The following TMED10 variants were observed in gnomAD, a reference collection of about 807,000 sequenced individuals.
The protein encoded by TMED10 is transmembrane emp24 domain-containing protein 10.
In TMED10, 7 loss-of-function variants were observed where a neutral mutation model predicts 23.1. The observed-to-expected ratio is 0.30, with a 90% CI of 0.17 to 0.57. The LOEUF is 0.57. Ranked by LOEUF, TMED10 falls within the 20% of genes least tolerant of loss-of-function variation. TMED10 has a pLI of 0.91. For missense variants in TMED10, 162 were observed against 274.8 expected, an observed-to-expected ratio of 0.59 and a Z score of 2.90; for synonymous variants, 113 against 106.9, an observed-to-expected ratio of 1.06 and a Z score of -0.35.
In TMED10 at chr14:75,145,870, A is replaced by G. The variant is rs147138152; in HGVS notation, c.411+1794T>C. ...AATAGGTAAAATTCCACAGAGTACA[A>G]ATTCAACTGAGAATGGTCCACAGTT... On this transcript the variant is annotated intron_variant, in intron 3 of 4. Transcript: ENST00000303575. Among the ~76,000 whole-genome samples, 738 of 152,324 alleles carry G rather than the reference A, an allele frequency of 4.8e-3. 2 individuals carry two copies. Among genetic ancestry groups the G allele is most frequent in the Admixed American group, 8.0e-3 (123 of 15,286 alleles).
At chr14:75,165,451 C>T (rs753198517) in intron 1 of TMED10, among the ~76,000 whole-genome samples, 1 of 152,190 alleles carries the variant, frequency 6.6e-6, no homozygotes, top group Non-Finnish European at 1.5e-5. Context: ...TGGTCTCGAA[C>T]TCCTGACCTT....
intron 1 of TMED10, among the ~76,000 whole-genome samples, chr14:75,161,371 T>A (rs142260731): frequency 6.6e-6 from 1 of 152,170 alleles, no homozygotes. Flanking sequence ...AAAAGTCTTA[T>A]CAAGAACCTA....
In TMED10 at chr14:75,141,565, A is replaced by G. The variant is rs74925284; in HGVS notation, c.412-5679T>C. Among the ~76,000 whole-genome samples, 1,513 of 152,290 alleles carry G rather than the reference A, an allele frequency of 9.9e-3. 18 individuals carry two copies. Among genetic ancestry groups the G allele is most frequent in the African/African-American group, 0.032 (1,328 of 41,562 alleles). ...TAATCCTCGTAACCCTATAAGGTGA[A>G]TATTTTTATCCTTAAGTTTTGCAGA... On this transcript the variant is annotated intron_variant, in intron 3 of 4. Coordinates refer to ENST00000303575, the MANE Select transcript of TMED10 (RefSeq NM_006827.6).
intron 1 of TMED10, among the ~76,000 whole-genome samples, chr14:75,165,904 T>C (rs541914223): frequency 6.6e-5 from 10 of 151,780 alleles, no homozygotes; most frequent in Admixed American, 4.6e-4. Context: ...TGATAATGGA[T>C]AGATGCTCTC....
intron 1 of TMED10, among the ~76,000 whole-genome samples, chr14:75,157,529 G>A (rs986319868): frequency 6.6e-6 from 1 of 152,000 alleles, no homozygotes; most frequent in African/African-American, 2.4e-5. Flanking sequence ...ATGCGCCTGT[G>A]GTCCCAGCTA....
At chr14:75,160,042 A>G (rs1896068392) in intron 1 of TMED10, among the ~76,000 whole-genome samples, 1 of 152,204 alleles carries the variant, frequency 6.6e-6, no homozygotes. Flanking sequence ...TACACTCCCT[A>G]TAACCTTCAG....
intron 3 of TMED10, 140 bp from the exon 4 acceptor site, chr14:75,136,026 T>G: frequency 8.0e-7 from 1 of 1,246,598 alleles, no homozygotes; most frequent in Non-Finnish European, 1.1e-6. Context: ...TATTTTAAAA[T>G]TTGGGCTTCT....
At chr14:75,151,175 G>A (rs576901426) in intron 2 of TMED10, among the ~76,000 whole-genome samples, 1 of 151,936 alleles carries the variant, frequency 6.6e-6, no homozygotes, top group South Asian at 2.1e-4. Flanking sequence ...CAACTGCTGG[G>A]ATTACAAGCG....
chr14:75,145,879 G>C (rs1377495791), intron 3 of TMED10, among the ~76,000 whole-genome samples: 1 of 152,180 alleles, frequency 6.6e-6, no homozygotes, highest in Non-Finnish European at 1.5e-5. Flanking sequence ...AAATTCAACT[G>C]AGAATGGTCC....
intron 1 of TMED10, among the ~76,000 whole-genome samples, chr14:75,173,545 C>CA (rs1896262217): frequency 6.7e-6 from 1 of 149,210 alleles, no homozygotes; most frequent in Admixed American, 6.7e-5. Flanking sequence ...ATCATCACTG[C>CA]TTTTTTTTTT....
At chr14:75,176,273 G>A (rs1037462090) in intron 1 of TMED10, 82 bp downstream of exon 1, 13 of 1,551,410 alleles carry the variant, frequency 8.4e-6, no homozygotes, top group African/African-American at 6.8e-5. Flanking sequence ...GGCCTCCGCC[G>A]GCCCGACTCC....
chr14:75,172,415 C>A (rs948824420), intron 1 of TMED10, among the ~76,000 whole-genome samples: 1 of 151,932 alleles, frequency 6.6e-6, no homozygotes, highest in Non-Finnish European at 1.5e-5. Context: ...TCAAGAGATT[C>A]TCCTGCCTCA....
intron 3 of TMED10, among the ~76,000 whole-genome samples, chr14:75,147,185 G>GTTTTTTTTTTTTTTTTTTTTTTTTTTTTT (rs71119349): frequency 1.7e-5 from 2 of 116,616 alleles, no homozygotes; most frequent in African/African-American, 7.6e-5. Context: ...CTTCAAGGCT[G>GTTTTTTTTTTTTTTTTTTTTTTTTTTTTT]TTTTTTTTTT....
At chr14:75,147,589 T>C (rs1287380976) in intron 3 of TMED10, 75 bp downstream of exon 3, 25 of 1,462,814 alleles carry the variant, frequency 1.7e-5, no homozygotes, top group Non-Finnish European at 2.0e-5. Context: ...GCACAGCCTG[T>C]TGGCCTGCCG....
At chr14:75,139,103 T>C (rs1227075450) in intron 3 of TMED10, 1 of 450,134 alleles carries the variant, frequency 2.2e-6, no homozygotes, top group African/African-American at 2.0e-5. Flanking sequence ...CCACATTGCT[T>C]TCCAGAGGTA....
At chr14:75,137,934 C>A (rs985120726) in intron 3 of TMED10, among the ~76,000 whole-genome samples, 1 of 152,050 alleles carries the variant, frequency 6.6e-6, no homozygotes, top group African/African-American at 2.4e-5. Flanking sequence ...GTCTTGAACT[C>A]CTAACCTCAG....
At chr14:75,153,777 C>CTTTTCTTTT (rs1555356232) in intron 1 of TMED10, among the ~76,000 whole-genome samples, 6 of 131,752 alleles carry the variant, frequency 4.6e-5, no homozygotes, top group Admixed American at 8.5e-5. Context: ...TTTTTTTTCC[C>CTTTTCTTTT]TTTTTTTTTT....
intron 1 of TMED10, among the ~76,000 whole-genome samples, chr14:75,171,120 A>G (rs1297482714): frequency 6.6e-6 from 1 of 152,118 alleles, no homozygotes; most frequent in Non-Finnish European, 1.5e-5. Context: ...AAGGGTCCTT[A>G]TAAGGGAACG....
chr14:75,159,876 T>C (rs1008910895), intron 1 of TMED10, among the ~76,000 whole-genome samples: 1 of 152,212 alleles, frequency 6.6e-6, no homozygotes, highest in Non-Finnish European at 1.5e-5. Context: ...CCGAAGATTA[T>C]TAAAGACTCA....
Sources: gnomAD v4.1 joint callset for allele counts (sites outside exome capture counted in the v4.1 genomes callset) on GRCh38, gnomAD v4.1.1 for gene constraint, MANE v1.5 for transcripts, NCBI Gene and HGNC (gene_info 2026-07-23, HGNC 2026-07-21) for gene names.